GMDS: variants seen among roughly 807,000 people sequenced by gnomAD.
GMDS encodes GDP-mannose 4,6-dehydratase.
GMDS carries 20 observed loss-of-function variants against 49.9 expected under a neutral mutation model. The ratio of observed to expected loss-of-function variants is 0.40; its 90% CI spans 0.28 to 0.58. GMDS has a LOEUF of 0.58. Ranked by LOEUF, GMDS falls within the 20% of genes least tolerant of loss-of-function variation. The pLI is 0.42. For synonymous variants in GMDS, 177 were observed against 178.6 expected (o/e 0.99, Z 0.07); for missense variants, 362 against 481.4 (o/e 0.75, Z 2.32).
intron 9 of GMDS, among the ~76,000 whole-genome samples, chr6:1,624,946 G>A (rs565977603): frequency 6.8e-6 from 1 of 146,074 alleles, no homozygotes; most frequent in East Asian, 2.1e-4. Flanking sequence ...ATCACCAGGC[G>A]CCCCTCCCAG....
At chr6:1,782,923 G>A (rs1581175818) in intron 7 of GMDS, among the ~76,000 whole-genome samples, 1 of 152,192 alleles carries the variant, frequency 6.6e-6, no homozygotes, top group South Asian at 2.1e-4. Context: ...GGAGGCTGAG[G>A]TGGGAGGATT....
chr6:1,974,785 C>T (rs1764802369), intron 4 of GMDS, among the ~76,000 whole-genome samples: 1 of 151,382 alleles, frequency 6.6e-6, no homozygotes, highest in Non-Finnish European at 1.5e-5. Context: ...AATCCCAGCA[C>T]TTTGGGAGGC....
At chr6:1,739,017 CTTAA>C (rs1253804318) in intron 8 of GMDS, among the ~76,000 whole-genome samples, 2 of 152,214 alleles carry the variant, frequency 1.3e-5, no homozygotes, top group Non-Finnish European at 2.9e-5. Flanking sequence ...TCCACTTGTG[CTTAA>C]TTAAGTATTT....
intron 1 of GMDS, among the ~76,000 whole-genome samples, chr6:2,163,204 A>C (rs1777492933): frequency 6.6e-6 from 1 of 152,146 alleles, no homozygotes; most frequent in East Asian, 1.9e-4. Context: ...GGGACTATAA[A>C]AATTGCCTAC....
intron 1 of GMDS, among the ~76,000 whole-genome samples, chr6:2,175,464 C>G (rs1404513777): frequency 6.6e-6 from 1 of 152,176 alleles, no homozygotes; most frequent in Non-Finnish European, 1.5e-5. Flanking sequence ...GCAAAAGAGA[C>G]ATCAGACCCA....
At chr6:1,647,171 C>T (rs938456333) in intron 9 of GMDS, among the ~76,000 whole-genome samples, 9 of 152,332 alleles carry the variant, frequency 5.9e-5, no homozygotes, top group East Asian at 1.9e-4. Context: ...CAGGAAGCTT[C>T]GAGAACAGGC....
chr6:2,155,700 A>C (rs1777081062), intron 1 of GMDS, among the ~76,000 whole-genome samples: 2 of 152,192 alleles, frequency 1.3e-5, no homozygotes, highest in Admixed American at 1.3e-4. Flanking sequence ...CATATCCTTA[A>C]GAAAAATGAT....
chr6:1,931,765 A>G (rs1762296489), intron 6 of GMDS, among the ~76,000 whole-genome samples: 1 of 152,252 alleles, frequency 6.6e-6, no homozygotes, highest in African/African-American at 2.4e-5. Context: ...AGATTCCAAC[A>G]TAAAACATTT....
intron 9 of GMDS, among the ~76,000 whole-genome samples, chr6:1,721,094 T>C (rs1420851714): frequency 1.3e-5 from 2 of 152,104 alleles, no homozygotes; most frequent in Non-Finnish European, 2.9e-5. Context: ...AAGTGTTACA[T>C]ATCATTATTC....
chr6:1,724,499 A>T (rs1282853246), intron 9 of GMDS, among the ~76,000 whole-genome samples: 1 of 152,184 alleles, frequency 6.6e-6, no homozygotes, highest in African/African-American at 2.4e-5. Context: ...GCCATTCTTA[A>T]TGACTTCCTA....
chr6:2,127,040 T>C (rs1775488496), intron 1 of GMDS, among the ~76,000 whole-genome samples: 1 of 152,210 alleles, frequency 6.6e-6, no homozygotes, highest in Non-Finnish European at 1.5e-5. Context: ...ATCCCATTCT[T>C]ACAATTCTTA....
chr6:1,816,475 T>C (rs1770676684), intron 7 of GMDS, among the ~76,000 whole-genome samples: 2 of 152,186 alleles, frequency 1.3e-5, no homozygotes, highest in Non-Finnish European at 2.9e-5. Flanking sequence ...AATACCACCA[T>C]TAATTCGATT....
chr6:2,116,638 A>G (rs1328987979), intron 3 of GMDS, among the ~76,000 whole-genome samples: 1 of 152,230 alleles, frequency 6.6e-6, no homozygotes, highest in African/African-American at 2.4e-5. Context: ...TGATGCTGTC[A>G]CTACCTATAC....
At chr6:1,751,600 T>G (rs1767736333) in intron 7 of GMDS, among the ~76,000 whole-genome samples, 1 of 152,216 alleles carries the variant, frequency 6.6e-6, no homozygotes, top group Admixed American at 6.5e-5. Flanking sequence ...TTCAAGCGAT[T>G]CTCTTGCCTC....
intron 4 of GMDS, among the ~76,000 whole-genome samples, chr6:2,052,465 G>A (rs1770474666): frequency 6.6e-6 from 1 of 152,244 alleles, no homozygotes. Flanking sequence ...AGCAAGGTGT[G>A]CTTGGTCCTG....
chr6:1,998,822 C>T (rs1163139431), intron 4 of GMDS, among the ~76,000 whole-genome samples: 2 of 152,004 alleles, frequency 1.3e-5, no homozygotes, highest in Non-Finnish European at 2.9e-5. Flanking sequence ...TGGAAGCAAT[C>T]CCCCATGGAT....
chr6:2,206,182 C>T (rs1238272025), intron 1 of GMDS, among the ~76,000 whole-genome samples: 9 of 151,908 alleles, frequency 5.9e-5, no homozygotes, highest in African/African-American at 9.7e-5. Context: ...CGCTTGAACC[C>T]GGGAGGCAGA....
chr6:1,647,052 C>T (rs952418944), intron 9 of GMDS, among the ~76,000 whole-genome samples: 14 of 152,200 alleles, frequency 9.2e-5, no homozygotes, highest in African/African-American at 3.4e-4. Flanking sequence ...AAGGGCTGGA[C>T]TGCTTTGCAT....
intron 1 of GMDS, among the ~76,000 whole-genome samples, chr6:2,173,073 T>C (rs1290949204): frequency 3.9e-5 from 6 of 152,112 alleles, no homozygotes; most frequent in Non-Finnish European, 1.5e-5. Flanking sequence ...ACACAAATAT[T>C]AGAAATTTTT....
Sources: gnomAD v4.1 joint callset for allele counts (sites outside exome capture counted in the v4.1 genomes callset) on GRCh38, gnomAD v4.1.1 for gene constraint, MANE v1.5 for transcripts, NCBI Gene and HGNC (gene_info 2026-07-23, HGNC 2026-07-21) for gene names.